HSPA4: variants seen among roughly 807,000 people sequenced by gnomAD.
HSPA4 encodes heat shock 70 kDa protein 4.
HSPA4 carries 25 observed loss-of-function variants against 106.2 expected under a neutral mutation model. That is an observed-to-expected ratio of 0.24 (90% CI 0.17 to 0.33). The LOEUF is 0.33. Ranked by LOEUF, HSPA4 falls within the 10% of genes least tolerant of loss-of-function variation. The pLI is 1.00. For missense variants in HSPA4, 841 were observed against 996.0 expected (o/e 0.84, Z 2.10); for synonymous variants, 332 against 333.6 (o/e 1.00, Z 0.05).
At chr5:133,063,656 C>T (rs1345740593) in intron 1 of HSPA4, among the ~76,000 whole-genome samples, 3 of 152,082 alleles carry the variant, frequency 2.0e-5, no homozygotes, top group South Asian at 2.1e-4. Context: ...TGGTCTCGAA[C>T]TCCAGACCTC....
chr5:133,088,408 A>C lies in HSPA4; in HGVS notation c.990A>C (p.Leu330Phe). ...TGTCTAATTCTTTAAAAATAGAGTT[A>C]AAGAAAGAAGATATTTATGCAGTGG... ...PLRSVLEQTK[L>F]KKEDIYAVEI... Residue 330 changes from leucine to phenylalanine, a missense_variant, in exon 9 of 19, where the codon TTA (leucine) becomes TTC (phenylalanine). Leu to Phe is a conservative substitution (Grantham distance 22). Around this residue, in one of 5 missense-constraint regions of HSPA4, gnomAD observed 347 missense variants for 408.7 expected, o/e 0.85. Coordinates refer to ENST00000304858, the MANE Select transcript of HSPA4 (RefSeq NM_002154.4). The C allele has an allele frequency of 3.1e-6, 5 of 1,601,062 alleles. No homozygotes were observed. Among genetic ancestry groups the C allele is most frequent in the Non-Finnish European group, 4.3e-6 (5 of 1,169,196 alleles).
intron 1 of HSPA4, among the ~76,000 whole-genome samples, chr5:133,059,151 T>C (rs1036109803): frequency 1.5e-5 from 2 of 129,690 alleles, no homozygotes; most frequent in African/African-American, 3.0e-5. Flanking sequence ...ATAATAATAA[T>C]AGAATAATAA....
In HSPA4 at chr5:133,073,252, C is replaced by A; in HGVS notation, c.452C>A (p.Ala151Glu). ...TAGGTTCCTTGTTTCTATACTGATG[C>A]AGAAAGACGATCAGTGATGGATGCA... Reference protein sequence around the residue: ...VVSVPCFYTDAERRSVMDATQ... With the variant: ...VVSVPCFYTDEERRSVMDATQ... Residue 151 changes from alanine (A) to glutamate (E), a missense_variant, in exon 5 of 19, where the codon GCA becomes GAA. This residue lies in a region of HSPA4 where 347 missense variants were observed against 408.7 expected (regional missense o/e 0.85). Transcript: ENST00000304858. 1 of 1,604,624 alleles carries A rather than the reference C, an allele frequency of 6.2e-7. No individual in the cohort carries two copies. Among genetic ancestry groups the A allele is most frequent in the Non-Finnish European group, 8.5e-7 (1 of 1,175,004 alleles).
In HSPA4 at chr5:133,073,291, G is replaced by A. The variant is rs1291398988; in HGVS notation, c.491G>A (p.Gly164Asp). 1.2e-6 allele frequency: 2 copies of A among 1,612,766 alleles called. No individual in the cohort carries two copies. The highest frequency in any genetic ancestry group is 1.7e-6 in the Non-Finnish European group (2 of 1,179,132). Residue 164 changes from glycine (G) to aspartate (D), a missense_variant, in exon 5 of 19, where the codon GGT (glycine) becomes GAT (aspartate). Physicochemically the swap from Gly to Asp is moderately conservative, Grantham distance 94 (BLOSUM62 -1). This residue lies in a region of HSPA4 where 347 missense variants were observed against 408.7 expected (regional missense o/e 0.85). Coordinates refer to ENST00000304858, the MANE Select transcript of HSPA4 (RefSeq NM_002154.4). Reference protein sequence around the residue: ...RSVMDATQIAGLNCLRLMNET... With the variant: ...RSVMDATQIADLNCLRLMNET... ...GTGATGGATGCAACACAGATTGCTGGTCTTAATTGCTTGCGATTAATGAAT... is the reference window on the plus strand; with the variant it reads ...GTGATGGATGCAACACAGATTGCTGATCTTAATTGCTTGCGATTAATGAAT...
intron 1 of HSPA4, 67 bp downstream of exon 1, chr5:133,052,424 C>T: frequency 1.8e-6 from 2 of 1,112,446 alleles, no homozygotes; most frequent in Non-Finnish European, 2.5e-6. Context: ...AGTCTGGGAC[C>T]CTCGCTGCTT....
chr5:133,086,466 G>A (rs1429708250), intron 7 of HSPA4, among the ~76,000 whole-genome samples: 1 of 152,200 alleles, frequency 6.6e-6, no homozygotes, highest in Non-Finnish European at 1.5e-5. Context: ...CATCTGGGTT[G>A]TTTCAGCTGC....
chr5:133,073,228 A>G lies in HSPA4; in HGVS notation c.430-2A>G. The G allele has an allele frequency of 6.7e-7, 1 of 1,497,312 alleles. No individual in the cohort carries two copies. The highest frequency in any genetic ancestry group is 9.1e-7 in the Non-Finnish European group (1 of 1,104,480). 92.8% of individuals were successfully genotyped at this position (1,497,312 alleles called of 1,614,324 possible). On this transcript the variant is annotated splice_acceptor_variant, in intron 4 of 18. Transcript: ENST00000304858. LOFTEE classifies it high-confidence loss of function. ...AGTAAGCATTCTTTTTTTTTTTTGTAGGTTCCTTGTTTCTATACTGATGCA... is the reference window on the plus strand; with the variant it reads ...AGTAAGCATTCTTTTTTTTTTTTGTGGGTTCCTTGTTTCTATACTGATGCA...
At chr5:133,056,852 A>G (rs1037505369) in intron 1 of HSPA4, among the ~76,000 whole-genome samples, 1 of 152,228 alleles carries the variant, frequency 6.6e-6, no homozygotes, top group African/African-American at 2.4e-5. Flanking sequence ...ATTGGAGATT[A>G]TGAGAATTAT....
chr5:133,057,165 T>A (rs1236088666), intron 1 of HSPA4, among the ~76,000 whole-genome samples: 1 of 152,226 alleles, frequency 6.6e-6, no homozygotes, highest in African/African-American at 2.4e-5. Context: ...TTTTTGGTAC[T>A]TTCTAGTCCA....
chr5:133,073,383 A>C, intron 5 of HSPA4, 54 bp downstream of exon 5: 1 of 1,202,236 alleles, frequency 8.3e-7, no homozygotes, highest in Non-Finnish European at 1.2e-6. Context: ...AAGATTGTGA[A>C]ATTTTAAAAC....
chr5:133,103,148 A>G (rs1561588107), intron 17 of HSPA4, among the ~76,000 whole-genome samples: 1 of 146,804 alleles, frequency 6.8e-6, no homozygotes, highest in Non-Finnish European at 1.5e-5. Flanking sequence ...TGCATCCTCA[A>G]CCTCCTGGGC....
intron 15 of HSPA4, among the ~76,000 whole-genome samples, chr5:133,098,335 G>A (rs554123439): frequency 6.6e-6 from 1 of 151,790 alleles, no homozygotes; most frequent in Non-Finnish European, 1.5e-5. Flanking sequence ...TTTTTGAGAC[G>A]GAGTCTCGCT....
intron 7 of HSPA4, among the ~76,000 whole-genome samples, chr5:133,077,710 G>T (rs948838008): frequency 3.3e-5 from 5 of 152,106 alleles, no homozygotes; most frequent in Non-Finnish European, 1.5e-5. Flanking sequence ...TGTTCTTTTG[G>T]CTGTGAACTC....
rs1479749442 is a variant in HSPA4 at position 133,104,708 on chromosome 5, A to G, written c.*272A>G. The G allele has an allele frequency of 1.3e-5, 5 of 372,204 alleles. No homozygotes were observed. Among genetic ancestry groups the G allele is most frequent in the Non-Finnish European group, 2.5e-5 (5 of 202,714 alleles). 23.1% of individuals were successfully genotyped at this position (372,204 alleles called of 1,614,324 possible). A position where few individuals can be genotyped will look rare whatever the true frequency, so the allele number is the denominator to read the frequency against. ...ATGCTTCACTCCTTTATGTTTAACC[A>G]TGTGTCTACAAGAATAAGTTTGTTT... On this transcript the variant is annotated 3_prime_UTR_variant, in exon 19 of 19. Coordinates refer to ENST00000304858, the MANE Select transcript of HSPA4 (RefSeq NM_002154.4).
rs1185243814 is a variant in HSPA4, at chr5:133,089,178, T to G, written c.1244+17T>G. 1 of 1,340,078 alleles carries G rather than the reference T, an allele frequency of 7.5e-7. No homozygotes were observed. Among genetic ancestry groups the G allele is most frequent in the African/African-American group, 1.5e-5 (1 of 68,964 alleles). 83.0% of individuals were successfully genotyped at this position (1,340,078 alleles called of 1,614,324 possible). On this transcript the variant is annotated intron_variant, in intron 10 of 18. Coordinates refer to ENST00000304858, the MANE Select transcript of HSPA4 (RefSeq NM_002154.4). The stretch of plus-strand genomic sequence containing the variant: ...AGGGTCAAGGTATCATGTTTATTAA[T>G]CATTTACATATCTAAAGTTAATTGA...
At chr5:133,054,556 A>G (rs981934339) in intron 1 of HSPA4, among the ~76,000 whole-genome samples, 2 of 152,178 alleles carry the variant, frequency 1.3e-5, no homozygotes, top group African/African-American at 4.8e-5. Flanking sequence ...AGATGAAGTG[A>G]TCGTTTTTAG....
intron 7 of HSPA4, among the ~76,000 whole-genome samples, chr5:133,084,177 G>A (rs1189012794): frequency 6.6e-6 from 1 of 152,096 alleles, no homozygotes; most frequent in East Asian, 1.9e-4. Flanking sequence ...GTAACTTCTT[G>A]TAAGTGGAAT....
At chr5:133,093,290 G>T (rs1765672947) in intron 13 of HSPA4, among the ~76,000 whole-genome samples, 1 of 152,014 alleles carries the variant, frequency 6.6e-6, no homozygotes, top group Admixed American at 6.6e-5. Flanking sequence ...TTTGCAAGAT[G>T]GCCTTTAAAC....
intron 1 of HSPA4, among the ~76,000 whole-genome samples, chr5:133,053,585 A>G (rs1393086574): frequency 6.6e-6 from 1 of 152,044 alleles, no homozygotes; most frequent in Non-Finnish European, 1.5e-5. Context: ...TCTGGACTCA[A>G]GCAGTCCTCC....
Sources: gnomAD v4.1 joint callset for allele counts (sites outside exome capture counted in the v4.1 genomes callset) on GRCh38, gnomAD v4.1.1 for gene constraint, gnomAD v4.1.1 regional missense constraint, MANE v1.5 for transcripts, NCBI Gene and HGNC (gene_info 2026-07-23, HGNC 2026-07-21) for gene names.